Variants in KATNIP observed in about 807,000 individuals in gnomAD.
The protein encoded by KATNIP is katanin-interacting protein.
In KATNIP, 126 loss-of-function variants were observed where a neutral mutation model predicts 174.0. The observed-to-expected ratio is 0.72, with a 90% CI of 0.63 to 0.84. The LOEUF is 0.84. Ranked by LOEUF, KATNIP falls within the 40% of genes least tolerant of loss-of-function variation. KATNIP has a pLI of 0.00. For synonymous variants in KATNIP, 810 were observed against 835.7 expected, an observed-to-expected ratio of 0.97 and a Z score of 0.53; for missense variants, 1,958 against 2,109.7, an observed-to-expected ratio of 0.93 and a Z score of 1.41.
chr16:27,615,329 T>C (rs1007564005), intron 2 of KATNIP, among the ~76,000 whole-genome samples: 2 of 150,016 alleles, frequency 1.3e-5, no homozygotes, highest in African/African-American at 4.9e-5. Context: ...AGTGGGAATC[T>C]TTTTTATTAT....
chr16:27,564,866 C>T (rs375331861), intron 1 of KATNIP, among the ~76,000 whole-genome samples: 30 of 151,962 alleles, frequency 2.0e-4, no homozygotes, highest in East Asian at 6.0e-4. Flanking sequence ...TGGGTTCAAG[C>T]GATTCTCCTG....
At chr16:27,564,750 T>G (rs1326091917) in intron 1 of KATNIP, among the ~76,000 whole-genome samples, 3 of 151,702 alleles carry the variant, frequency 2.0e-5, no homozygotes, top group East Asian at 2.0e-4. Flanking sequence ...CTGCCTGGCT[T>G]GCTTGCTTGC....
chr16:27,650,654 C>G (rs1392670893), intron 6 of KATNIP, among the ~76,000 whole-genome samples: 3 of 152,182 alleles, frequency 2.0e-5, no homozygotes, highest in Non-Finnish European at 4.4e-5. Flanking sequence ...AATGTTCCTC[C>G]GATTTTGCTT....
At chr16:27,743,873 C>T (rs2081193293) in intron 15 of KATNIP, among the ~76,000 whole-genome samples, 1 of 152,158 alleles carries the variant, frequency 6.6e-6, no homozygotes, top group Non-Finnish European at 1.5e-5. Flanking sequence ...CCGGGAAAGC[C>T]AGGCCTTCCA....
intron 20 of KATNIP, among the ~76,000 whole-genome samples, chr16:27,767,958 T>G (rs79252743): frequency 0.017 from 2,637 of 152,326 alleles, 58 homozygotes; most frequent in East Asian, 0.1. Context: ...TAAAATTCCC[T>G]TGAGCAAATC....
In KATNIP at chr16:27,777,939, G is replaced by T; in HGVS notation, c.4771G>T (p.Ala1591Ser). The T allele has an allele frequency of 1.2e-6, 2 of 1,614,068 alleles. No individual in the cohort carries two copies. Among genetic ancestry groups the T allele is most frequent in the Non-Finnish European group, 1.7e-6 (2 of 1,179,976 alleles). ...MMNENQIITN[A>S]KRKQSVVDPA... ...GAATGAAAACCAAATCATTACCAAC[G>T]CGAAACGGAAGCAGAGCGTTGTTGA... The change falls in exon 27 of 28, where the codon GCG becomes TCG. Residue 1591 changes from alanine (A) to serine (S), a missense_variant. Around this residue, in one of 3 missense-constraint regions of KATNIP, gnomAD observed 383 missense variants for 456.0 expected, o/e 0.84. Coordinates refer to ENST00000261588, the MANE Select transcript of KATNIP (RefSeq NM_015202.5). The surrounding 1 kb of genome is among the most constrained non-coding windows in gnomAD (Gnocchi z 4.4).
intron 2 of KATNIP, among the ~76,000 whole-genome samples, chr16:27,598,085 T>A (rs1166111738): frequency 6.6e-6 from 1 of 152,072 alleles, no homozygotes; most frequent in Non-Finnish European, 1.5e-5. Flanking sequence ...AAAAGTTAGC[T>A]GGGCGTGGTG....
chr16:27,775,297 A>G (rs1237122128), intron 24 of KATNIP, among the ~76,000 whole-genome samples: 1 of 152,176 alleles, frequency 6.6e-6, no homozygotes, highest in Non-Finnish European at 1.5e-5. Flanking sequence ...ATAAGTGGAC[A>G]CCTGGGGCGA....
At chr16:27,616,343 A>G (rs2076035695) in intron 2 of KATNIP, among the ~76,000 whole-genome samples, 1 of 152,206 alleles carries the variant, frequency 6.6e-6, no homozygotes, top group Non-Finnish European at 1.5e-5. Context: ...AGCCTGGGCA[A>G]CAGAGCAAGA....
intron 14 of KATNIP, among the ~76,000 whole-genome samples, chr16:27,733,072 T>A (rs2080755666): frequency 1.3e-5 from 2 of 152,222 alleles, no homozygotes; most frequent in Admixed American, 6.5e-5. Context: ...TAGCCAGTGC[T>A]TCATTCCAGA....
At chr16:27,749,402 T>C (rs2081406832) in intron 15 of KATNIP, among the ~76,000 whole-genome samples, 182 bp from the exon 16 acceptor site, 1 of 152,030 alleles carries the variant, frequency 6.6e-6, no homozygotes, top group South Asian at 2.1e-4. Context: ...GCCCCAGCCA[T>C]CCAGTGCCAA....
intron 17 of KATNIP, among the ~76,000 whole-genome samples, chr16:27,753,556 G>C (rs942571116): frequency 2.0e-5 from 3 of 152,202 alleles, no homozygotes; most frequent in African/African-American, 7.2e-5. Flanking sequence ...GTGGCCCACC[G>C]TTGACTCTCT....
intron 2 of KATNIP, among the ~76,000 whole-genome samples, chr16:27,583,495 A>C (rs562432346): frequency 6.6e-6 from 1 of 152,294 alleles, no homozygotes; most frequent in South Asian, 2.1e-4. Flanking sequence ...GCAGGATAAA[A>C]ACACCCCATG....
In KATNIP at chr16:27,628,656, T is replaced by C. The variant is rs752898469; in HGVS notation, c.141-5T>C. 1 of 1,613,938 alleles carries C rather than the reference T, an allele frequency of 6.2e-7. No individual in the cohort carries two copies. The highest frequency in any genetic ancestry group is 8.5e-7 in the Non-Finnish European group (1 of 1,179,886). On this transcript the variant is annotated splice_polypyrimidine_tract_variant and splice_region_variant and intron_variant, in intron 3 of 27. Transcript: ENST00000261588. ...AGGAGGAACAACCCACCGTTTCTCT[T>C]TCAGGATATTAAAGCATTTGAAAAG...
chr16:27,596,121 G>A (rs991037605), intron 2 of KATNIP, among the ~76,000 whole-genome samples: 3 of 152,026 alleles, frequency 2.0e-5, no homozygotes, highest in Admixed American at 2.0e-4. Context: ...TTAACAGGAC[G>A]CATTCCCTGG....
chr16:27,719,713 C>G (rs536899038), intron 13 of KATNIP, among the ~76,000 whole-genome samples: 1 of 143,512 alleles, frequency 7.0e-6, no homozygotes, highest in East Asian at 2.1e-4. Flanking sequence ...TTCTTAGAGA[C>G]AGGGTCTCAC....
At chr16:27,699,358 A>G in intron 9 of KATNIP, 176 bp from the exon 10 acceptor site, 1 of 756,306 alleles carries the variant, frequency 1.3e-6, no homozygotes. Context: ...TCTTTGGGGC[A>G]TCCATCGAGC....
intron 3 of KATNIP, among the ~76,000 whole-genome samples, chr16:27,624,052 C>A (rs144398866): frequency 1.9e-3 from 291 of 152,316 alleles, no homozygotes; most frequent in African/African-American, 6.6e-3. Flanking sequence ...AAAGGATAGA[C>A]TGGGTTAAAG....
intron 1 of KATNIP, among the ~76,000 whole-genome samples, chr16:27,569,792 T>C (rs974894208): frequency 6.6e-6 from 1 of 152,270 alleles, no homozygotes; most frequent in Non-Finnish European, 1.5e-5. Flanking sequence ...ATGCTCTTAA[T>C]TGAGTGAATT....
Sources: allele counts gnomAD v4.1 joint callset (sites outside exome capture counted in the v4.1 genomes callset), GRCh38; gene constraint gnomAD v4.1.1; regional missense constraint gnomAD v4.1.1; non-coding constraint Gnocchi (gnomAD v3.1); transcripts MANE v1.5; gene names NCBI Gene and HGNC (gene_info 2026-07-23, HGNC 2026-07-21).